MOXD1: variants seen among roughly 807,000 people sequenced by gnomAD.
MOXD1 encodes DBH-like monooxygenase protein 1.
A neutral mutation model predicts 66.6 loss-of-function variants in MOXD1; 62 were observed. That is an observed-to-expected ratio of 0.93 (90% CI 0.76 to 1.15). The LOEUF is 1.15. Ranked by LOEUF, MOXD1 falls within the 50% of genes most tolerant of loss-of-function variation. The pLI, the probability that MOXD1 is intolerant of heterozygous loss-of-function variation, is 0.00. For missense variants in MOXD1, 847 were observed against 754.6 expected, an observed-to-expected ratio of 1.12 and a Z score of -1.44; for synonymous variants, 303 against 281.9, an observed-to-expected ratio of 1.07 and a Z score of -0.75.
chr6:132,328,627 T>C (rs1301397688), intron 4 of MOXD1, 33 bp from the exon 5 acceptor site: 1 of 1,595,534 alleles, frequency 6.3e-7, no homozygotes, highest in Non-Finnish European at 8.6e-7. Context: ...GAGGACACAA[T>C]AAATAAGACC....
chr6:132,349,828 G>A (rs1775767993), intron 4 of MOXD1, among the ~76,000 whole-genome samples: 1 of 152,068 alleles, frequency 6.6e-6, no homozygotes, highest in Non-Finnish European at 1.5e-5. Context: ...GCAGGAGTAA[G>A]GTGGTATTGC....
intron 4 of MOXD1, among the ~76,000 whole-genome samples, chr6:132,368,826 A>G: frequency 6.6e-6 from 1 of 152,084 alleles, no homozygotes. Context: ...CAAAATCCCC[A>G]GTGGATGGCA....
At chr6:132,329,135 C>T (rs1373721283) in intron 4 of MOXD1, among the ~76,000 whole-genome samples, 1 of 152,072 alleles carries the variant, frequency 6.6e-6, no homozygotes, top group Non-Finnish European at 1.5e-5. Context: ...CCACGACAGG[C>T]CCTGGTGTGT....
intron 2 of MOXD1, among the ~76,000 whole-genome samples, chr6:132,373,864 A>G (rs998445182): frequency 3.3e-5 from 5 of 152,204 alleles, no homozygotes; most frequent in African/African-American, 1.2e-4. Context: ...TATTATTCCA[A>G]TTAAAGTATA....
At chr6:132,350,604 C>T (rs1775782608) in intron 4 of MOXD1, among the ~76,000 whole-genome samples, 1 of 152,106 alleles carries the variant, frequency 6.6e-6, no homozygotes, top group South Asian at 2.1e-4. Context: ...GCTATGCAGG[C>T]TCTTTTTTGG....
chr6:132,349,424 TATATATATATAC>T (rs1775746664), intron 4 of MOXD1, among the ~76,000 whole-genome samples: 1 of 22,318 alleles, frequency 4.5e-5, no homozygotes, highest in African/African-American at 3.0e-4. Flanking sequence ...TATATATACA[TATATATATATAC>T]ATATATATAT....
chr6:132,377,026 G>T (rs1321235314), intron 1 of MOXD1, among the ~76,000 whole-genome samples: 1 of 152,224 alleles, frequency 6.6e-6, no homozygotes, highest in Non-Finnish European at 1.5e-5. Context: ...CCAGAGTCTG[G>T]ATCCTTTTTC....
At chr6:132,311,557 C>T (rs970056148) in intron 10 of MOXD1, among the ~76,000 whole-genome samples, 5 of 151,836 alleles carry the variant, frequency 3.3e-5, no homozygotes, top group Non-Finnish European at 7.4e-5. Context: ...TCTATTTTGT[C>T]AACATTCGAG....
intron 6 of MOXD1, among the ~76,000 whole-genome samples, chr6:132,326,724 G>A (rs1324003898): frequency 6.6e-6 from 1 of 152,052 alleles, no homozygotes; most frequent in Non-Finnish European, 1.5e-5. Flanking sequence ...CAGAGTATGG[G>A]ATATAATTGG....
intron 1 of MOXD1, among the ~76,000 whole-genome samples, chr6:132,386,433 C>G (rs9402402): frequency 3.1e-5 from 2 of 65,108 alleles, no homozygotes; most frequent in Admixed American, 1.7e-4. Flanking sequence ...CAAAACAAAA[C>G]AAAAAAAAAA....
intron 1 of MOXD1, among the ~76,000 whole-genome samples, chr6:132,386,357 G>C (rs1260981346): frequency 8.7e-5 from 13 of 148,912 alleles, no homozygotes; most frequent in African/African-American, 2.7e-4. Context: ...AGCCGAGATC[G>C]CGCCACTGCA....
chr6:132,321,045 T>C (rs1775068149), intron 8 of MOXD1, among the ~76,000 whole-genome samples: 2 of 152,130 alleles, frequency 1.3e-5, no homozygotes, highest in African/African-American at 4.8e-5. Flanking sequence ...GGCAGGTGGA[T>C]CACGAGGTCA....
intron 1 of MOXD1, among the ~76,000 whole-genome samples, chr6:132,386,349 C>T (rs1451814621): frequency 1.3e-5 from 2 of 149,816 alleles, no homozygotes; most frequent in Non-Finnish European, 3.0e-5. Flanking sequence ...TTGCAGTGAG[C>T]CGAGATCGCG....
intron 4 of MOXD1, among the ~76,000 whole-genome samples, chr6:132,341,082 T>C (rs867936762): frequency 6.6e-6 from 1 of 152,220 alleles, no homozygotes; most frequent in African/African-American, 2.4e-5. Flanking sequence ...TCTTCTTGGA[T>C]GTTGCTATTG....
At chr6:132,396,325 A>T (rs1398496816) in intron 1 of MOXD1, among the ~76,000 whole-genome samples, 5 of 152,250 alleles carry the variant, frequency 3.3e-5, no homozygotes, top group Admixed American at 3.3e-4. Context: ...GAGGAAAAAA[A>T]AATTCTGAAA....
At chr6:132,363,157 T>C (rs1331807382) in intron 4 of MOXD1, among the ~76,000 whole-genome samples, 2 of 151,498 alleles carry the variant, frequency 1.3e-5, no homozygotes, top group African/African-American at 2.4e-5. Context: ...CAGAATATAG[T>C]ATTTTGCACT....
At chr6:132,314,688 A>AG (rs1309006154) in intron 10 of MOXD1, among the ~76,000 whole-genome samples, 2 of 152,016 alleles carry the variant, frequency 1.3e-5, no homozygotes, top group Non-Finnish European at 1.5e-5. Flanking sequence ...CTTATCACGG[A>AG]GGTCGCTGCT....
At position 132,373,016 on chromosome 6, in the gene MOXD1, C is replaced by T. The variant is rs1454861731; in HGVS notation, c.412-19G>A. Reference sequence around the variant, plus strand: ...TGCTATCCTGGGGATCAGACATGGGCATGATTAGGTCTCATGAGAGCACTT... The same window carrying T: ...TGCTATCCTGGGGATCAGACATGGGTATGATTAGGTCTCATGAGAGCACTT... On this transcript the variant is annotated intron_variant, in intron 2 of 11. Coordinates refer to ENST00000367963, the MANE Select transcript of MOXD1 (RefSeq NM_015529.4). The T allele has an allele frequency of 6.3e-7, 1 of 1,599,744 alleles. No homozygotes were observed. The highest frequency in any genetic ancestry group is 8.5e-7 in the Non-Finnish European group (1 of 1,171,216).
At chr6:132,344,851 C>G (rs75334565) in intron 4 of MOXD1, among the ~76,000 whole-genome samples, 1 of 152,170 alleles carries the variant, frequency 6.6e-6, no homozygotes, top group African/African-American at 2.4e-5. Flanking sequence ...GTGTCTCACT[C>G]TCTGCTGAAA....
Sources: gnomAD v4.1 joint callset for allele counts (sites outside exome capture counted in the v4.1 genomes callset) on GRCh38, gnomAD v4.1.1 for gene constraint, MANE v1.5 for transcripts, NCBI Gene and HGNC (gene_info 2026-07-23, HGNC 2026-07-21) for gene names.